Variants in IPCEF1 observed in about 807,000 individuals in gnomAD.
IPCEF1 encodes interactor protein for cytohesin exchange factors 1.
In IPCEF1, 31 loss-of-function variants were observed where a neutral mutation model predicts 50.9. The observed-to-expected ratio is 0.61, with a 90% CI of 0.46 to 0.82. The LOEUF is 0.82. Among genes scored for constraint, IPCEF1 ranks in the 40% least tolerant of loss-of-function variants. IPCEF1 has a pLI of 0.00. For missense variants in IPCEF1, 458 were observed against 514.0 expected, an observed-to-expected ratio of 0.89 and a Z score of 1.05; for synonymous variants, 181 against 192.0, an observed-to-expected ratio of 0.94 and a Z score of 0.47.
At chr6:154,186,415 C>A (rs2128574834) in intron 10 of IPCEF1, among the ~76,000 whole-genome samples, 1 of 152,354 alleles carries the variant, frequency 6.6e-6, no homozygotes, top group South Asian at 2.1e-4. Flanking sequence ...TGACTGCTTT[C>A]CATCTCAACC....
rs1214480210 is a variant in IPCEF1 at position 154,168,105 on chromosome 6, T to C, written c.919A>G (p.Lys307Glu). ...GSKIMDKEET[K>E]VSEDDEMEKL... ...TCCATTTCATCATCTTCAGACACTT[T>C]TGTCTCTTCTATTTGAAAAAAAAAA... Residue 307 changes from lysine to glutamate, a missense_variant, in exon 11 of 12, where the codon AAA becomes GAA. Physicochemically the swap from Lys to Glu is moderately conservative, Grantham distance 56 (BLOSUM62 1). Coordinates refer to ENST00000367220, the MANE Select transcript of IPCEF1 (RefSeq NM_001130700.2). This position sits in a 1 kb window ranked among gnomAD's most constrained non-coding sequence, Gnocchi z 4.1. The C allele has an allele frequency of 6.5e-7, 1 of 1,541,404 alleles. No individual in the cohort carries two copies. Among genetic ancestry groups the C allele is most frequent in the Admixed American group, 1.9e-5 (1 of 51,830 alleles).
At chr6:154,220,858 G>A (rs751276928) in intron 7 of IPCEF1, among the ~76,000 whole-genome samples, 2 of 152,198 alleles carry the variant, frequency 1.3e-5, no homozygotes, top group Admixed American at 6.5e-5. Flanking sequence ...TGATAAATAC[G>A]TGAATCATCA....
At chr6:154,193,719 A>G (rs566986251) in intron 10 of IPCEF1, among the ~76,000 whole-genome samples, 1 of 152,320 alleles carries the variant, frequency 6.6e-6, no homozygotes, top group South Asian at 2.1e-4. Flanking sequence ...TAAGCAAAAC[A>G]AACACTTCGG....
intron 5 of IPCEF1, among the ~76,000 whole-genome samples, chr6:154,231,216 A>G (rs1206333340): frequency 6.6e-6 from 1 of 152,228 alleles, no homozygotes; most frequent in Non-Finnish European, 1.5e-5. Flanking sequence ...ATAGAAAGTA[A>G]AAGTAAAAGG....
At chr6:154,276,290 A>G (rs1443056317) in intron 2 of IPCEF1, among the ~76,000 whole-genome samples, 1 of 120,192 alleles carries the variant, frequency 8.3e-6, no homozygotes, top group African/African-American at 2.9e-5. Flanking sequence ...AAAGAAAAAA[A>G]AAGAAAAGAA....
intron 2 of IPCEF1, among the ~76,000 whole-genome samples, chr6:154,274,305 C>T (rs1441153651): frequency 6.6e-6 from 1 of 151,956 alleles, no homozygotes; most frequent in Non-Finnish European, 1.5e-5. Context: ...TTTTTGACAC[C>T]ATAAAAATAC....
chr6:154,312,720 T>C (rs953494983), intron 1 of IPCEF1, among the ~76,000 whole-genome samples: 5 of 152,004 alleles, frequency 3.3e-5, no homozygotes, highest in African/African-American at 1.2e-4. Flanking sequence ...CCACAGTTAA[T>C]AACAGTGAAT....
intron 2 of IPCEF1, among the ~76,000 whole-genome samples, chr6:154,279,934 AAATGTTAATGTT>A (rs564585473): frequency 2.0e-5 from 3 of 152,162 alleles, no homozygotes; most frequent in East Asian, 1.9e-4. Context: ...AACAATCAGG[AAATGTTAATGTT>A]AATGTTAATG....
chr6:154,308,948 G>A (rs1330587082), intron 1 of IPCEF1, among the ~76,000 whole-genome samples: 1 of 152,142 alleles, frequency 6.6e-6, no homozygotes, highest in East Asian at 1.9e-4. Context: ...AAAATGGTTT[G>A]CAGTTCTCAT....
At chr6:154,354,471 A>ACCACCTCCACCATCACCTCCACC (rs1260024841) in intron 1 of IPCEF1, among the ~76,000 whole-genome samples, 2 of 52,228 alleles carry the variant, frequency 3.8e-5, no homozygotes, top group African/African-American at 1.2e-4. Flanking sequence ...TCTCCTCCAC[A>ACCACCTCCACCATCACCTCCACC]ACCACCTCCA....
chr6:154,346,574 A>T (rs996708375), intron 1 of IPCEF1, among the ~76,000 whole-genome samples: 1 of 152,202 alleles, frequency 6.6e-6, no homozygotes, highest in Non-Finnish European at 1.5e-5. Context: ...GAGACTCGGT[A>T]ATTTATAAAG....
chr6:154,251,175 A>G (rs1046190668), intron 3 of IPCEF1, among the ~76,000 whole-genome samples: 1 of 152,264 alleles, frequency 6.6e-6, no homozygotes, highest in African/African-American at 2.4e-5. Context: ...TACTTAATAC[A>G]TTAATTGAAA....
chr6:154,315,404 C>A (rs902922801), intron 1 of IPCEF1, among the ~76,000 whole-genome samples: 1 of 152,178 alleles, frequency 6.6e-6, no homozygotes, highest in African/African-American at 2.4e-5. Flanking sequence ...AGAAACTGAA[C>A]AGCTTTCTCT....
chr6:154,270,714 G>A (rs1562573919), intron 2 of IPCEF1, among the ~76,000 whole-genome samples: 4 of 152,028 alleles, frequency 2.6e-5, no homozygotes, highest in East Asian at 1.9e-4. Context: ...GGTGGCTCAC[G>A]CCTCTAATCC....
At chr6:154,329,474 G>A (rs183903871) in intron 1 of IPCEF1, among the ~76,000 whole-genome samples, 1 of 152,042 alleles carries the variant, frequency 6.6e-6, no homozygotes, top group Non-Finnish European at 1.5e-5. Flanking sequence ...GCACATGCCT[G>A]TAGTCCCAGC....
intron 3 of IPCEF1, among the ~76,000 whole-genome samples, chr6:154,262,769 C>G (rs1462422505): frequency 1.0e-5 from 1 of 97,724 alleles, no homozygotes; most frequent in African/African-American, 3.9e-5. Context: ...GCTTATAATC[C>G]TTTTTTTTTT....
chr6:154,340,807 C>G (rs1278175615), intron 1 of IPCEF1, among the ~76,000 whole-genome samples: 1 of 151,360 alleles, frequency 6.6e-6, no homozygotes, highest in Admixed American at 6.6e-5. Flanking sequence ...ATCGCTTGAA[C>G]CCAGGAGGCA....
At chr6:154,274,490 A>AT (rs1562575360) in intron 2 of IPCEF1, among the ~76,000 whole-genome samples, 1 of 152,168 alleles carries the variant, frequency 6.6e-6, no homozygotes, top group East Asian at 1.9e-4. Context: ...CCAGTGGACC[A>AT]TTTTACCATA....
chr6:154,215,201 G>A (rs1778289392), intron 7 of IPCEF1, among the ~76,000 whole-genome samples: 1 of 152,152 alleles, frequency 6.6e-6, no homozygotes, highest in South Asian at 2.1e-4. Context: ...CTTGCACTAA[G>A]CCATAAATAT....
Sources: gnomAD v4.1 joint callset for allele counts (sites outside exome capture counted in the v4.1 genomes callset) on GRCh38, gnomAD v4.1.1 for gene constraint, Gnocchi (gnomAD v3.1) non-coding constraint, MANE v1.5 for transcripts, NCBI Gene and HGNC (gene_info 2026-07-23, HGNC 2026-07-21) for gene names.